Variants in ABI2 observed in about 807,000 individuals in gnomAD.
ABI2 encodes the protein abl interactor 2.
In ABI2, 25 loss-of-function variants were observed where a neutral mutation model predicts 59.2. That is an observed-to-expected ratio of 0.42 (90% CI 0.31 to 0.59). ABI2 has a LOEUF of 0.59. ABI2 is among the 20% of genes least tolerant of loss of function. The probability of loss-of-function intolerance (pLI) is 0.14; values close to 1 mark genes in which losing one functional copy is unlikely to be tolerated. For missense variants in ABI2, 545 were observed against 681.8 expected (o/e 0.80, Z 2.23); for synonymous variants, 213 against 235.5 (o/e 0.90, Z 0.87).
At chr2:203,372,907 C>T (rs1253697898) in intron 2 of ABI2, among the ~76,000 whole-genome samples, 20 of 151,952 alleles carry the variant, frequency 1.3e-4, no homozygotes, top group Admixed American at 5.2e-4. Context: ...AGGCGATGGG[C>T]GGCTGGGCAG....
intron 11 of ABI2, among the ~76,000 whole-genome samples, chr2:203,419,546 T>A (rs556686352): frequency 1.6e-4 from 23 of 146,784 alleles, no homozygotes; most frequent in African/African-American, 5.7e-4. Context: ...TTTTTTGTAT[T>A]TTTTTTTTTT....
At chr2:203,374,791 G>C in intron 2 of ABI2, 1 of 452,656 alleles carries the variant, frequency 2.2e-6, no homozygotes, top group Non-Finnish European at 4.5e-6. Context: ...ATTTAGTTGG[G>C]TTAATCCACT....
intron 2 of ABI2, among the ~76,000 whole-genome samples, chr2:203,375,233 A>T (rs561387165): frequency 1.3e-4 from 20 of 152,320 alleles, no homozygotes; most frequent in African/African-American, 4.8e-4. Context: ...TTGCAGTGAT[A>T]TATCTTGGTG....
intron 9 of ABI2, among the ~76,000 whole-genome samples, chr2:203,404,081 C>A (rs2097332804): frequency 6.6e-6 from 1 of 152,042 alleles, no homozygotes; most frequent in Non-Finnish European, 1.5e-5. Flanking sequence ...TATTGTCCTA[C>A]CTACATATTT....
chr2:203,372,806 C>A (rs1284321884), intron 2 of ABI2, among the ~76,000 whole-genome samples: 7 of 151,312 alleles, frequency 4.6e-5, no homozygotes, highest in African/African-American at 1.7e-4. Flanking sequence ...GGCGGCCGGG[C>A]AGAGACGCTC....
chr2:203,349,477 T>C (rs2086192719), intron 1 of ABI2, among the ~76,000 whole-genome samples: 1 of 152,190 alleles, frequency 6.6e-6, no homozygotes, highest in Non-Finnish European at 1.5e-5. Flanking sequence ...GGATCTTTGC[T>C]CACTGCAACC....
intron 8 of ABI2, among the ~76,000 whole-genome samples, chr2:203,397,380 T>C (rs2097047205): frequency 6.6e-6 from 1 of 152,238 alleles, no homozygotes; most frequent in South Asian, 2.1e-4. Context: ...AAAGCCTCTG[T>C]AAGTCTATTT....
At chr2:203,369,000 T>A (rs1007496123) in intron 2 of ABI2, among the ~76,000 whole-genome samples, 13 of 126,916 alleles carry the variant, frequency 1.0e-4, no homozygotes, top group South Asian at 2.9e-4. Flanking sequence ...TTTTTTTTTT[T>A]TTTTTTTTTT....
chr2:203,412,834 C>G (rs1366966890), intron 10 of ABI2, among the ~76,000 whole-genome samples: 1 of 152,198 alleles, frequency 6.6e-6, no homozygotes, highest in Non-Finnish European at 1.5e-5. Context: ...AAAATGTCTG[C>G]TGCATCCAAA....
intron 1 of ABI2, among the ~76,000 whole-genome samples, chr2:203,349,406 T>C (rs2086144470): frequency 6.6e-6 from 1 of 152,088 alleles, no homozygotes; most frequent in African/African-American, 2.4e-5. Flanking sequence ...TCCAGTGATA[T>C]CCTTTCTTCT....
chr2:203,419,786 G>A (rs1454423520), intron 11 of ABI2, among the ~76,000 whole-genome samples: 1 of 151,986 alleles, frequency 6.6e-6, no homozygotes, highest in Non-Finnish European at 1.5e-5. Flanking sequence ...GTTGGGAGTT[G>A]GAGACCAGCC....
intron 11 of ABI2, among the ~76,000 whole-genome samples, chr2:203,425,725 CTAAAG>C (rs1349198303): frequency 6.6e-6 from 1 of 152,190 alleles, no homozygotes; most frequent in Non-Finnish European, 1.5e-5. Context: ...CAAGGATCTT[CTAAAG>C]TATTTTCTGA....
At chr2:203,363,570 T>A (rs1319313621) in intron 1 of ABI2, among the ~76,000 whole-genome samples, 1 of 151,326 alleles carries the variant, frequency 6.6e-6, no homozygotes, top group East Asian at 2.0e-4. Flanking sequence ...ATCCTTCTAC[T>A]CTCTATTTCT....
At chr2:203,415,395 A>T (rs1351298559) in intron 10 of ABI2, among the ~76,000 whole-genome samples, 2 of 152,090 alleles carry the variant, frequency 1.3e-5, no homozygotes, top group Non-Finnish European at 2.9e-5. Flanking sequence ...AGGTGGGCGG[A>T]TCACAGGGTC....
chr2:203,420,396 CTTT>C (rs59111250), intron 11 of ABI2, among the ~76,000 whole-genome samples: 151 of 140,524 alleles, frequency 1.1e-3, no homozygotes, highest in Non-Finnish European at 1.3e-3. Flanking sequence ...GTGACAGTCC[CTTT>C]TTTTTTTTTT....
intron 10 of ABI2, among the ~76,000 whole-genome samples, chr2:203,411,973 G>T (rs570198975): frequency 2.0e-5 from 3 of 152,314 alleles, no homozygotes; most frequent in East Asian, 3.9e-4. Flanking sequence ...CTGTCACAGA[G>T]ACCAGTGAAC....
chr2:203,329,433 C>T (rs2071308509), intron 1 of ABI2, among the ~76,000 whole-genome samples: 1 of 148,028 alleles, frequency 6.8e-6, no homozygotes, highest in East Asian at 2.0e-4. Flanking sequence ...CGGGGGATAC[C>T]GGATGGTATG....
intron 11 of ABI2, among the ~76,000 whole-genome samples, chr2:203,422,539 G>T (rs1185956938): frequency 6.6e-6 from 1 of 152,152 alleles, no homozygotes; most frequent in Non-Finnish European, 1.5e-5. Flanking sequence ...TAGTTTCCTG[G>T]CTCCACAGAA....
At chr2:203,373,484 G>GGGGAGAGGGAGAGGGAGA (rs891277498) in intron 2 of ABI2, among the ~76,000 whole-genome samples, 16 of 151,158 alleles carry the variant, frequency 1.1e-4, no homozygotes, top group Non-Finnish European at 2.4e-4. Context: ...CATGGGCCGT[G>GGGGAGAGGGAGAGGGAGA]GGGAGAGGGA....
Sources: gnomAD v4.1 joint callset for allele counts (sites outside exome capture counted in the v4.1 genomes callset) on GRCh38, gnomAD v4.1.1 for gene constraint, MANE v1.5 for transcripts, NCBI Gene and HGNC (gene_info 2026-07-23, HGNC 2026-07-21) for gene names.